The following GALNT14 variants were observed in gnomAD, a reference collection of about 807,000 sequenced individuals.
GALNT14 encodes the protein polypeptide N-acetylgalactosaminyltransferase 14, also known as UDP-GalNAc:polypeptide N-acetylgalactosaminyltransferase 14.
Under a neutral mutation model 77.5 loss-of-function variants are expected in GALNT14, and 60 were observed. That is an observed-to-expected ratio of 0.77 (90% CI 0.63 to 0.96). The LOEUF is 0.96. Among genes scored for constraint, GALNT14 ranks in the 40% least tolerant of loss-of-function variants. GALNT14 has a pLI of 0.00. For missense variants in GALNT14, 710 were observed against 731.0 expected, an observed-to-expected ratio of 0.97 and a Z score of 0.33; for synonymous variants, 280 against 281.7, an observed-to-expected ratio of 0.99 and a Z score of 0.06.
intron 1 of GALNT14, among the ~76,000 whole-genome samples, chr2:31,072,746 C>T (rs956952449): frequency 6.6e-6 from 1 of 152,118 alleles, no homozygotes; most frequent in African/African-American, 2.4e-5. Flanking sequence ...CAGACTAGGG[C>T]ACCAAGCAGA....
At chr2:31,124,150 G>T (rs182784993) in intron 1 of GALNT14, among the ~76,000 whole-genome samples, 2 of 152,198 alleles carry the variant, frequency 1.3e-5, no homozygotes, top group South Asian at 2.1e-4. Flanking sequence ...GATTTTGCCC[G>T]CTCTGTCTCC....
chr2:31,011,125 T>C (rs1671002357), intron 1 of GALNT14, among the ~76,000 whole-genome samples: 1 of 152,200 alleles, frequency 6.6e-6, no homozygotes, highest in African/African-American at 2.4e-5. Context: ...CAATCTCTCC[T>C]CCAGTTACTG....
chr2:30,904,452 C>G, the GALNT14 span, among the ~76,000 whole-genome samples: 1 of 152,118 alleles, frequency 6.6e-6, no homozygotes, highest in African/African-American at 2.4e-5. Context: ...GGGTGACGGA[C>G]GGCACCTGGA....
intron 1 of GALNT14, among the ~76,000 whole-genome samples, chr2:31,071,691 G>A (rs1056725100): frequency 6.6e-6 from 1 of 152,136 alleles, no homozygotes; most frequent in African/African-American, 2.4e-5. Flanking sequence ...CTTCCTTCTC[G>A]TCTGAGCCTC....
At chr2:31,111,472 T>C (rs1052575925) in intron 1 of GALNT14, among the ~76,000 whole-genome samples, 5 of 152,366 alleles carry the variant, frequency 3.3e-5, no homozygotes, top group Middle Eastern at 3.4e-3. Context: ...GAGGACTAAC[T>C]GCTTATTTAC....
chr2:31,100,913 C>G (rs1242202548), intron 1 of GALNT14, among the ~76,000 whole-genome samples: 1 of 152,002 alleles, frequency 6.6e-6, no homozygotes, highest in Non-Finnish European at 1.5e-5. Context: ...AACACAAACC[C>G]TATTTTATAA....
chr2:31,027,230 G>A (rs974209410), intron 1 of GALNT14, among the ~76,000 whole-genome samples: 4 of 152,128 alleles, frequency 2.6e-5, no homozygotes, highest in East Asian at 1.9e-4. Context: ...TCAGGAGTTT[G>A]TGACTAGCCT....
intron 9 of GALNT14, among the ~76,000 whole-genome samples, chr2:30,941,541 G>A (rs1666376462): frequency 6.6e-6 from 1 of 152,182 alleles, no homozygotes; most frequent in Admixed American, 6.5e-5. Context: ...TAGATGGAAT[G>A]GGTCTTTCTG....
chr2:31,013,651 G>C (rs1671174205), intron 1 of GALNT14, among the ~76,000 whole-genome samples: 1 of 152,188 alleles, frequency 6.6e-6, no homozygotes, highest in Admixed American at 6.5e-5. Flanking sequence ...AGCCCATTTT[G>C]AAGCAGCCAC....
At chr2:30,932,232 A>ACTG in intron 9 of GALNT14, 38 bp from the exon 10 acceptor site, 6 of 1,396,130 alleles carry the variant, frequency 4.3e-6, no homozygotes, top group Non-Finnish European at 5.6e-6. Context: ...ACCTCTTATC[A>ACTG]CTGCTGCTGC....
At chr2:30,933,568 C>G (rs1009832067) in intron 9 of GALNT14, among the ~76,000 whole-genome samples, 3 of 152,206 alleles carry the variant, frequency 2.0e-5, no homozygotes, top group Non-Finnish European at 4.4e-5. Context: ...CCCTACTCCA[C>G]CACCTTCTCT....
intron 2 of GALNT14, among the ~76,000 whole-genome samples, chr2:30,990,658 A>T (rs973802735): frequency 5.9e-5 from 9 of 152,248 alleles, no homozygotes; most frequent in Non-Finnish European, 1.0e-4. Context: ...CTTTGCACAT[A>T]GTAGGTGATC....
chr2:31,117,253 C>A (rs1382199504), intron 1 of GALNT14, among the ~76,000 whole-genome samples: 2 of 152,004 alleles, frequency 1.3e-5, no homozygotes, highest in African/African-American at 4.8e-5. Context: ...AAACATGCTC[C>A]TACCTGAGTA....
chr2:31,062,966 C>T (rs1280934383), intron 1 of GALNT14, among the ~76,000 whole-genome samples: 2 of 151,986 alleles, frequency 1.3e-5, no homozygotes, highest in African/African-American at 4.8e-5. Context: ...GATATTAGAC[C>T]TTTGTCAGAT....
At chr2:31,044,704 G>C (rs537756979) in intron 1 of GALNT14, among the ~76,000 whole-genome samples, 2 of 152,186 alleles carry the variant, frequency 1.3e-5, no homozygotes, top group South Asian at 4.2e-4. Context: ...GTTTGCTTGA[G>C]TCTAGGAGTT....
At chr2:30,970,518 G>T (rs80146583) in intron 2 of GALNT14, among the ~76,000 whole-genome samples, 1 of 152,142 alleles carries the variant, frequency 6.6e-6, no homozygotes, top group Non-Finnish European at 1.5e-5. Context: ...GAGCCGGCCC[G>T]CACGCCAGGT....
chr2:31,052,179 C>T (rs932332372), intron 1 of GALNT14, among the ~76,000 whole-genome samples: 1 of 152,146 alleles, frequency 6.6e-6, no homozygotes, highest in African/African-American at 2.4e-5. Flanking sequence ...ACACTGCCCC[C>T]TACCCCCTCC....
At chr2:31,126,595 C>T (rs1317242569) in intron 1 of GALNT14, 1 of 152,236 alleles carries the variant, frequency 6.6e-6, no homozygotes, top group Admixed American at 6.5e-5. Flanking sequence ...GCCTGTTCTT[C>T]TGGATGCAGA....
At chr2:31,079,119 C>T in intron 1 of GALNT14, 7 of 1,174,702 alleles carry the variant, frequency 6.0e-6, no homozygotes, top group Non-Finnish European at 7.6e-6. Context: ...GCATAGGTGA[C>T]CACACCTTTG....
Sources: gnomAD v4.1 joint callset for allele counts (sites outside exome capture counted in the v4.1 genomes callset) on GRCh38, gnomAD v4.1.1 for gene constraint, MANE v1.5 for transcripts, NCBI Gene and HGNC (gene_info 2026-07-23, HGNC 2026-07-21) for gene names.